DCAF12: variants seen among roughly 807,000 people sequenced by gnomAD.
DCAF12 encodes the protein DDB1- and CUL4-associated factor 12.
DCAF12 carries 28 observed loss-of-function variants against 52.8 expected under a neutral mutation model. That is an observed-to-expected ratio of 0.53 (90% CI 0.39 to 0.73). DCAF12 has a LOEUF of 0.73. DCAF12 is among the 30% of genes least tolerant of loss of function. The pLI is 0.00. For synonymous variants in DCAF12, 196 were observed against 215.5 expected (o/e 0.91, Z 0.79); for missense variants, 425 against 552.2 (o/e 0.77, Z 2.31).
intron 2 of DCAF12, chr9:34,109,508 C>T (rs1190627814): frequency 6.4e-6 from 1 of 155,418 alleles, no homozygotes; most frequent in African/African-American, 2.4e-5. Context: ...TAAGCATTTA[C>T]TTATCCACCT....
At chr9:34,108,566 C>T (rs568650363) in intron 2 of DCAF12, among the ~76,000 whole-genome samples, 32 of 152,138 alleles carry the variant, frequency 2.1e-4, no homozygotes, top group African/African-American at 6.5e-4. Flanking sequence ...CCAAGGCGGG[C>T]GGATCACCAG....
intron 4 of DCAF12, 118 bp downstream of exon 4, chr9:34,106,316 T>C (rs1346584124): frequency 2.6e-6 from 2 of 782,594 alleles, no homozygotes; most frequent in Admixed American, 2.4e-5. Context: ...GTGCTGGGAT[T>C]ATAGGCGTGA....
rs886978508 is a variant in DCAF12, at chr9:34,126,262, T to C, written c.78+92A>G. ...CTGTTTTGCCTCTGACTGCAGACCC[T>C]GGACCCCGATTCCCGTCGCAGGATC... On this transcript the variant is annotated intron_variant, in intron 1 of 8. Coordinates refer to ENST00000361264, the MANE Select transcript of DCAF12 (RefSeq NM_015397.4). 35 of 1,508,924 alleles carry C rather than the reference T, an allele frequency of 2.3e-5. No homozygotes were observed. The Middle Eastern group carries it at 1.9e-3, about 80-fold the overall frequency. 93.5% of individuals were successfully genotyped at this position (1,508,924 alleles called of 1,614,324 possible). A position where few individuals can be genotyped will look rare whatever the true frequency, so the allele number is the denominator to read the frequency against.
intron 2 of DCAF12, among the ~76,000 whole-genome samples, chr9:34,108,219 G>A (rs544123337): frequency 1.3e-5 from 2 of 152,276 alleles, no homozygotes; most frequent in Admixed American, 1.3e-4. Context: ...CTTAGCGAAA[G>A]GACAGCCCTT....
At chr9:34,116,834 A>G (rs1291246001) in intron 2 of DCAF12, among the ~76,000 whole-genome samples, 5 of 152,042 alleles carry the variant, frequency 3.3e-5, no homozygotes, top group Non-Finnish European at 7.4e-5. Context: ...TACATAAATT[A>G]GCCGGGCACA....
intron 8 of DCAF12, among the ~76,000 whole-genome samples, chr9:34,088,995 G>C (rs1380914395): frequency 1.3e-5 from 2 of 151,708 alleles, no homozygotes; most frequent in Non-Finnish European, 2.9e-5. Flanking sequence ...TGTGGTCCCA[G>C]CTACTTGGGA....
At chr9:34,105,342 C>G (rs1345862887) in intron 4 of DCAF12, among the ~76,000 whole-genome samples, 2 of 152,114 alleles carry the variant, frequency 1.3e-5, no homozygotes, top group Non-Finnish European at 1.5e-5. Context: ...AGGAGGATAG[C>G]TTGAGCCCAG....
chr9:34,095,512 C>T (rs1339949881), intron 6 of DCAF12, among the ~76,000 whole-genome samples: 1 of 151,502 alleles, frequency 6.6e-6, no homozygotes, highest in East Asian at 1.9e-4. Flanking sequence ...CTGCTACCCT[C>T]CAGTAGCTGG....
chr9:34,120,669 C>CAAAAAA (rs71506167), intron 2 of DCAF12, among the ~76,000 whole-genome samples: 3 of 117,136 alleles, frequency 2.6e-5, no homozygotes, highest in Non-Finnish European at 3.5e-5. Flanking sequence ...GACGCGGTCT[C>CAAAAAA]AAAAAAAAAA....
intron 4 of DCAF12, among the ~76,000 whole-genome samples, chr9:34,102,597 G>A (rs1311276113): frequency 6.6e-6 from 1 of 150,610 alleles, no homozygotes; most frequent in Non-Finnish European, 1.5e-5. Flanking sequence ...AGGTTGCAGT[G>A]AGCCGAGATC....
chr9:34,123,497 T>A (rs927739420), intron 2 of DCAF12, among the ~76,000 whole-genome samples: 11 of 152,302 alleles, frequency 7.2e-5, no homozygotes, highest in Admixed American at 5.9e-4. Context: ...AAGAGCACTA[T>A]TCCTAGTTCC....
At chr9:34,110,608 C>A (rs1459296460) in intron 2 of DCAF12, among the ~76,000 whole-genome samples, 4 of 152,134 alleles carry the variant, frequency 2.6e-5, no homozygotes, top group African/African-American at 9.7e-5. Context: ...AGACTCTCCT[C>A]GGGGCCAGAC....
rs957458019 is a variant in DCAF12, at chr9:34,106,462, T to C, written c.573A>G (p.Ala191=). The C allele has an allele frequency of 6.2e-6, 10 of 1,611,026 alleles. No homozygotes were observed. Among genetic ancestry groups the C allele is most frequent in the South Asian group, 1.1e-5 (1 of 90,512 alleles). Residue 191 remains alanine, a synonymous_variant, in exon 4 of 9, where the codon GCA becomes GCG. Transcript: ENST00000361264. Reference sequence around the variant, plus strand: ...ACACTGCCATAGTGTCGCTGATCCATGCGATGGAAAAGATCCAGTCCTTGT... The same window carrying C: ...ACACTGCCATAGTGTCGCTGATCCACGCGATGGAAAAGATCCAGTCCTTGT... ...DGHKDWIFSI[A]WISDTMAVSG... is the part of the protein sequence containing the mutation.
At chr9:34,099,072 C>CT (rs574114455) in intron 4 of DCAF12, among the ~76,000 whole-genome samples, 12,905 of 116,258 alleles carry the variant, frequency 0.11, 798 homozygotes, top group Non-Finnish European at 0.15. Flanking sequence ...ACCTGGTCTG[C>CT]TTTTTTTTTT....
At chr9:34,096,204 A>G (rs1053389173) in intron 6 of DCAF12, 3 of 152,310 alleles carry the variant, frequency 2.0e-5, no homozygotes, top group African/African-American at 7.2e-5. Flanking sequence ...AAAAATTAAA[A>G]AAACAAAACA....
chr9:34,122,329 C>T (rs962110061), intron 2 of DCAF12, among the ~76,000 whole-genome samples: 11 of 152,206 alleles, frequency 7.2e-5, no homozygotes, highest in African/African-American at 2.4e-4. Context: ...ATTCCTTCTA[C>T]ATAAATGACT....
chr9:34,113,212 C>A (rs1011811814), intron 2 of DCAF12, among the ~76,000 whole-genome samples: 1 of 152,012 alleles, frequency 6.6e-6, no homozygotes, highest in Non-Finnish European at 1.5e-5. Flanking sequence ...CCACCACGCC[C>A]GGCTAATTTT....
chr9:34,097,701 G>A (rs1395840584), intron 5 of DCAF12, among the ~76,000 whole-genome samples: 1 of 152,092 alleles, frequency 6.6e-6, no homozygotes, highest in Admixed American at 6.6e-5. Context: ...GGGAGGCCAA[G>A]GAGAGTGGAT....
chr9:34,106,331 C>A, intron 4 of DCAF12, 103 bp downstream of exon 4: 1 of 975,458 alleles, frequency 1.0e-6, no homozygotes, highest in Non-Finnish European at 1.5e-6. Context: ...GCGTGAGTCA[C>A]TGAGCCCGGC....
Sources: gnomAD v4.1 joint callset for allele counts (sites outside exome capture counted in the v4.1 genomes callset) on GRCh38, gnomAD v4.1.1 for gene constraint, MANE v1.5 for transcripts, NCBI Gene and HGNC (gene_info 2026-07-23, HGNC 2026-07-21) for gene names.